Variants in ST6GALNAC5 observed in about 807,000 individuals in gnomAD.
ST6GALNAC5 encodes ST6 N-acetylgalactosaminide alpha-2,6-sialyltransferase 5, also known as alpha-N-acetylgalactosaminide alpha-2,6-sialyltransferase 5.
Under a neutral mutation model 33.6 loss-of-function variants are expected in ST6GALNAC5, and 27 were observed. That is an observed-to-expected ratio of 0.80 (90% CI 0.59 to 1.11). ST6GALNAC5 has a LOEUF of 1.11. Ranked by LOEUF, ST6GALNAC5 falls within the 50% of genes least tolerant of loss-of-function variation. ST6GALNAC5 has a pLI of 0.00. For missense variants in ST6GALNAC5, 428 were observed against 454.0 expected, an observed-to-expected ratio of 0.94 and a Z score of 0.52; for synonymous variants, 194 against 171.2, an observed-to-expected ratio of 1.13 and a Z score of -1.04.
intron 2 of ST6GALNAC5, among the ~76,000 whole-genome samples, chr1:77,043,014 A>G (rs1486784024): frequency 2.6e-5 from 4 of 152,156 alleles, no homozygotes; most frequent in Non-Finnish European, 5.9e-5. Context: ...TTCTGAAGAC[A>G]CAGCCATGTC....
At chr1:76,956,887 C>G (rs1052073396) in intron 2 of ST6GALNAC5, among the ~76,000 whole-genome samples, 1 of 152,152 alleles carries the variant, frequency 6.6e-6, no homozygotes, top group Non-Finnish European at 1.5e-5. Flanking sequence ...TGTGAGGTCA[C>G]TGAGGGTCCG....
chr1:76,944,229 C>T (rs1205489006), intron 2 of ST6GALNAC5, among the ~76,000 whole-genome samples: 1 of 152,038 alleles, frequency 6.6e-6, no homozygotes, highest in Non-Finnish European at 1.5e-5. Flanking sequence ...GGAATTGATT[C>T]CTTTTCTTTT....
chr1:77,013,738 T>G (rs1650725276), intron 2 of ST6GALNAC5, among the ~76,000 whole-genome samples: 1 of 152,176 alleles, frequency 6.6e-6, no homozygotes, highest in Admixed American at 6.5e-5. Flanking sequence ...CCACCTTAAG[T>G]GAAAGGATAA....
chr1:76,986,980 A>G lies in ST6GALNAC5; in HGVS notation c.262-57224A>G, dbSNP rs536379890. Among the ~76,000 whole-genome samples the G allele has an allele frequency of 3.0e-4, 45 of 152,284 alleles. 1 individual carries two copies. The highest frequency in any genetic ancestry group is 9.9e-4 in the African/African-American group (41 of 41,572). ...GGAATTGAACAATGAGATCAGTTGG[A>G]CACAGGGCAAGGGAACATCACACAC... On this transcript the variant is annotated intron_variant, in intron 2 of 4. Coordinates refer to ENST00000477717, the MANE Select transcript of ST6GALNAC5 (RefSeq NM_030965.3).
intron 4 of ST6GALNAC5, among the ~76,000 whole-genome samples, chr1:77,058,716 G>A (rs756556039): frequency 2.6e-5 from 4 of 152,220 alleles, no homozygotes; most frequent in South Asian, 2.1e-4. Context: ...TAGGGGTGTT[G>A]TGAGGACTAA....
chr1:77,045,744 C>T (rs1052041312), intron 3 of ST6GALNAC5, among the ~76,000 whole-genome samples: 1 of 152,072 alleles, frequency 6.6e-6, no homozygotes, highest in Admixed American at 6.5e-5. Flanking sequence ...TGGAGAAAAG[C>T]CCCCTGTGGC....
rs1355299884 is a variant in ST6GALNAC5 at position 76,970,448 on chromosome 1, AG to A, written c.262-73754del. Among the ~76,000 whole-genome samples, 2 of 151,924 alleles carry A rather than the reference AG, an allele frequency of 1.3e-5. 1 individual carries two copies. Among genetic ancestry groups the A allele is most frequent in the Non-Finnish European group, 2.9e-5 (2 of 68,000 alleles). ...AGCCGATCCAATCAAGCAGAAGAAA[AG>A]GTATCAGTGATTGAAGATCAATTTA... On this transcript the variant is annotated intron_variant, in intron 2 of 4. Coordinates refer to ENST00000477717, the MANE Select transcript of ST6GALNAC5 (RefSeq NM_030965.3).
chr1:77,038,285 C>G (rs541830038), intron 2 of ST6GALNAC5, among the ~76,000 whole-genome samples: 1 of 152,290 alleles, frequency 6.6e-6, no homozygotes, highest in South Asian at 2.1e-4. Flanking sequence ...AAGAGTAACA[C>G]TTTTCTAGTG....
At chr1:77,030,161 T>C (rs895158541) in intron 2 of ST6GALNAC5, among the ~76,000 whole-genome samples, 1 of 152,248 alleles carries the variant, frequency 6.6e-6, no homozygotes, top group Non-Finnish European at 1.5e-5. Context: ...TATTATTTAC[T>C]AACCCATTCA....
chr1:76,904,349 C>T (rs1376491695), intron 2 of ST6GALNAC5, among the ~76,000 whole-genome samples: 1 of 152,102 alleles, frequency 6.6e-6, no homozygotes, highest in Non-Finnish European at 1.5e-5. Flanking sequence ...GGTATCCATA[C>T]CTTTATTAAA....
At chr1:76,946,543 AC>A (rs1341035531) in intron 2 of ST6GALNAC5, among the ~76,000 whole-genome samples, 2 of 152,156 alleles carry the variant, frequency 1.3e-5, no homozygotes, top group Non-Finnish European at 2.9e-5. Flanking sequence ...TGGAAGTGTT[AC>A]TTGCTTTATT....
chr1:76,999,964 T>C (rs1205650456), intron 2 of ST6GALNAC5, among the ~76,000 whole-genome samples: 4 of 111,904 alleles, frequency 3.6e-5, no homozygotes, highest in Admixed American at 9.5e-5. Context: ...TGTGCATGTG[T>C]CTTTATAGCA....
At chr1:76,876,699 A>C (rs917597501) in intron 2 of ST6GALNAC5, among the ~76,000 whole-genome samples, 14 of 152,164 alleles carry the variant, frequency 9.2e-5, no homozygotes, top group African/African-American at 3.1e-4. Flanking sequence ...GCACTGCTCA[A>C]AGTTCTGCCC....
chr1:76,934,938 T>G (rs1454443716), intron 2 of ST6GALNAC5, among the ~76,000 whole-genome samples: 2 of 152,126 alleles, frequency 1.3e-5, no homozygotes, highest in African/African-American at 2.4e-5. Flanking sequence ...ATTCACAAAT[T>G]AATTGCTTTC....
chr1:77,032,332 G>T (rs914847800), intron 2 of ST6GALNAC5, among the ~76,000 whole-genome samples: 1 of 152,178 alleles, frequency 6.6e-6, no homozygotes, highest in Non-Finnish European at 1.5e-5. Context: ...ATGGAGAATG[G>T]ATTGAGGTGG....
At chr1:76,926,480 A>G (rs1008438630) in intron 2 of ST6GALNAC5, among the ~76,000 whole-genome samples, 1 of 152,146 alleles carries the variant, frequency 6.6e-6, no homozygotes, top group African/African-American at 2.4e-5. Context: ...AATTTCAGAG[A>G]GATCTTTCTA....
rs1322300849 is a variant in ST6GALNAC5 at position 77,044,599 on chromosome 1, G to A, written c.657G>A (p.Glu219=). Residue 219 remains glutamate (E), a synonymous_variant, in exon 3 of 5, where the codon GAG becomes GAA. Transcript: ENST00000477717. ...MLQFDELFKQ[E]TGKDRKISNT... ...AGTTTGATGAGCTCTTCAAGCAGGA[G>A]ACTGGCAAAGACAGGTACAAAGGCA... 1 of 1,552,470 alleles carries A rather than the reference G, an allele frequency of 6.4e-7. No individual in the cohort carries two copies. Among genetic ancestry groups the A allele is most frequent in the East Asian group, 2.3e-5 (1 of 44,122 alleles).
chr1:76,920,383 T>C (rs1389641475), intron 2 of ST6GALNAC5, among the ~76,000 whole-genome samples: 1 of 152,230 alleles, frequency 6.6e-6, no homozygotes, highest in Admixed American at 6.5e-5. Context: ...CTTTGGTGAA[T>C]TTCAGATGCA....
intron 2 of ST6GALNAC5, among the ~76,000 whole-genome samples, chr1:77,014,973 C>T (rs1650767757): frequency 1.3e-5 from 2 of 151,950 alleles, no homozygotes; most frequent in East Asian, 1.9e-4. Flanking sequence ...GTGCTAAGCA[C>T]AATATTAAGC....
Sources: allele counts gnomAD v4.1 joint callset (sites outside exome capture counted in the v4.1 genomes callset), GRCh38; gene constraint gnomAD v4.1.1; transcripts MANE v1.5; gene names NCBI Gene and HGNC (gene_info 2026-07-23, HGNC 2026-07-21).